OPCML: variants seen among roughly 807,000 people sequenced by gnomAD.
The protein encoded by OPCML is opioid-binding protein/cell adhesion molecule.
A neutral mutation model predicts 37.8 loss-of-function variants in OPCML; 13 were observed. That is an observed-to-expected ratio of 0.34 (90% CI 0.22 to 0.55). The LOEUF is 0.55. Among genes scored for constraint, OPCML ranks in the 20% least tolerant of loss-of-function variants. OPCML has a pLI of 0.91. For missense variants in OPCML, 341 were observed against 435.6 expected, an observed-to-expected ratio of 0.78 and a Z score of 1.93; for synonymous variants, 176 against 168.8, an observed-to-expected ratio of 1.04 and a Z score of -0.33.
intron 1 of OPCML, among the ~76,000 whole-genome samples, chr11:132,960,246 C>G (rs906411078): frequency 6.6e-5 from 10 of 152,106 alleles, no homozygotes; most frequent in African/African-American, 2.2e-4. Flanking sequence ...AAACTGAGGC[C>G]CAAGATAAGA....
chr11:132,712,895 C>T (rs995981826), intron 2 of OPCML, among the ~76,000 whole-genome samples: 8 of 152,234 alleles, frequency 5.3e-5, no homozygotes, highest in South Asian at 2.1e-4. Context: ...TGCTAGCCCA[C>T]GTCGGCTTAA....
chr11:132,934,982 A>C (rs901838846), intron 2 of OPCML, among the ~76,000 whole-genome samples: 7 of 152,254 alleles, frequency 4.6e-5, no homozygotes, highest in Admixed American at 1.3e-4. Context: ...TGTACTAAAA[A>C]TACAAAATAA....
intron 1 of OPCML, among the ~76,000 whole-genome samples, chr11:132,974,167 A>C (rs533392424): frequency 1.3e-5 from 2 of 152,212 alleles, no homozygotes; most frequent in Non-Finnish European, 2.9e-5. Context: ...GCCTCACTAT[A>C]TCAAGTTTAC....
At chr11:132,671,363 A>G (rs1376312054) in intron 2 of OPCML, among the ~76,000 whole-genome samples, 1 of 152,164 alleles carries the variant, frequency 6.6e-6, no homozygotes, top group Non-Finnish European at 1.5e-5. Flanking sequence ...TGGGCCATGA[A>G]AAGCCCAGAG....
At chr11:132,721,489 C>T (rs987591301) in intron 2 of OPCML, among the ~76,000 whole-genome samples, 17 of 152,074 alleles carry the variant, frequency 1.1e-4, no homozygotes, top group Admixed American at 7.9e-4. Context: ...GGCGTGCTTT[C>T]GGGAAGAGGC....
At chr11:133,014,361 T>C (rs1290330182) in intron 1 of OPCML, among the ~76,000 whole-genome samples, 2 of 152,110 alleles carry the variant, frequency 1.3e-5, no homozygotes, top group Admixed American at 6.6e-5. Context: ...TAGGGATCTG[T>C]TTCAACTAAG....
At chr11:132,839,193 G>GA (rs1442886024) in intron 2 of OPCML, among the ~76,000 whole-genome samples, 1 of 152,086 alleles carries the variant, frequency 6.6e-6, no homozygotes, top group African/African-American at 2.4e-5. Flanking sequence ...TGTCTTGTCA[G>GA]AAAAAAACAG....
intron 4 of OPCML, among the ~76,000 whole-genome samples, chr11:132,487,131 T>C (rs1473295245): frequency 6.6e-6 from 1 of 152,160 alleles, no homozygotes; most frequent in Admixed American, 6.5e-5. Context: ...TCATCTCCAG[T>C]GAGGATTTTT....
chr11:133,474,530 T>C (rs7122529), intron 1 of OPCML, among the ~76,000 whole-genome samples: 4,083 of 152,298 alleles, frequency 0.027, 191 homozygotes, highest in African/African-American at 0.092. Context: ...TCCTGAACTG[T>C]ACTAAGTTTA....
intron 1 of OPCML, among the ~76,000 whole-genome samples, chr11:133,326,246 G>A (rs1943444165): frequency 1.3e-5 from 2 of 149,364 alleles, no homozygotes; most frequent in Admixed American, 6.8e-5. Flanking sequence ...TGAGGAGTGT[G>A]GGTGTGTGTA....
intron 1 of OPCML, among the ~76,000 whole-genome samples, chr11:133,482,564 T>G (rs1947401378): frequency 6.6e-6 from 1 of 152,070 alleles, no homozygotes; most frequent in South Asian, 2.1e-4. Context: ...GGGAGGAGGC[T>G]GCTGAATGCT....
At chr11:132,593,151 G>A (rs903944588) in intron 3 of OPCML, among the ~76,000 whole-genome samples, 3 of 152,306 alleles carry the variant, frequency 2.0e-5, no homozygotes, top group African/African-American at 4.8e-5. Context: ...ATGGCACTGG[G>A]CAGGAGCCTG....
chr11:133,286,420 A>G (rs58317534), intron 1 of OPCML, among the ~76,000 whole-genome samples: 38,060 of 144,446 alleles, frequency 0.26, 6,002 homozygotes, highest in East Asian at 0.76. Context: ...CAGTGAGCCG[A>G]GATCGCGCCA....
chr11:132,874,071 C>G (rs918933439), intron 2 of OPCML, among the ~76,000 whole-genome samples: 1 of 152,162 alleles, frequency 6.6e-6, no homozygotes. Context: ...TTCCCCATTA[C>G]GAAGGTTCTG....
intron 1 of OPCML, among the ~76,000 whole-genome samples, chr11:133,354,263 T>C: frequency 4.7e-5 from 1 of 21,454 alleles, no homozygotes; most frequent in South Asian, 2.0e-3. Flanking sequence ...ATAGTGGTGG[T>C]GGTAGTGGTG....
chr11:132,578,023 A>AG (rs1389075150), intron 3 of OPCML, among the ~76,000 whole-genome samples: 1 of 152,082 alleles, frequency 6.6e-6, no homozygotes, highest in African/African-American at 2.4e-5. Context: ...CAAGATACAT[A>AG]GAAAAAAAAA....
At position 133,264,952 on chromosome 11, in the gene OPCML, C is replaced by T. The variant is rs138050169; in HGVS notation, c.61+267312G>A. ...TTTACAGGTTTAGTGGTTTTGTCTG[C>T]ACTAGACATAGGAGTGAGGTAAAGC... On this transcript the variant is annotated intron_variant, in intron 1 of 7. Coordinates refer to ENST00000524381, the MANE Select transcript of OPCML (RefSeq NM_001012393.5). 1.8e-3 allele frequency among the ~76,000 whole-genome samples: 281 copies of T among 152,248 alleles called. 2 individuals carry two copies. The highest frequency in any genetic ancestry group is 2.4e-3 in the Non-Finnish European group (163 of 68,014).
chr11:132,766,149 A>G (rs1034290920), intron 2 of OPCML, among the ~76,000 whole-genome samples: 2 of 152,192 alleles, frequency 1.3e-5, no homozygotes, highest in African/African-American at 2.4e-5. Flanking sequence ...TCTTCCTTAC[A>G]TAAATATGTC....
chr11:132,741,759 G>A lies in OPCML; in HGVS notation c.147-84440C>T, dbSNP rs532421471. Among the ~76,000 whole-genome samples, 8 of 152,128 alleles carry A rather than the reference G, an allele frequency of 5.3e-5. No homozygotes were observed. The East Asian group carries it at 9.6e-4, about 18-fold the overall frequency. Reference sequence around the variant, plus strand: ...AAAGCATTTCGGGCCAGGTGCAGTGGCTCATGCATGTAATCCCAGCACTTT... The same window carrying A: ...AAAGCATTTCGGGCCAGGTGCAGTGACTCATGCATGTAATCCCAGCACTTT... On this transcript the variant is annotated intron_variant, in intron 2 of 7. Transcript: ENST00000524381.
Sources: gnomAD v4.1 joint callset for allele counts (sites outside exome capture counted in the v4.1 genomes callset) on GRCh38, gnomAD v4.1.1 for gene constraint, MANE v1.5 for transcripts, NCBI Gene and HGNC (gene_info 2026-07-23, HGNC 2026-07-21) for gene names.